ADARB2: variants seen among roughly 807,000 people sequenced by gnomAD.
ADARB2 encodes the protein adenosine deaminase RNA specific B2 (inactive), also known as inactive double-stranded RNA-specific editase B2.
ADARB2 carries 25 observed loss-of-function variants against 62.2 expected under a neutral mutation model. The observed-to-expected ratio is 0.40, with a 90% CI of 0.29 to 0.56. The LOEUF (loss-of-function observed/expected upper bound fraction) is 0.56, where lower values mean the gene tolerates loss of function less well. Among genes scored for constraint, ADARB2 ranks in the 20% least tolerant of loss-of-function variants. The pLI is 0.43. For synonymous variants in ADARB2, 572 were observed against 500.8 expected (o/e 1.14, Z -1.90); for missense variants, 1,071 against 1,077.4 (o/e 0.99, Z 0.08).
chr10:1,268,269 A>G (rs2131797221), intron 4 of ADARB2, among the ~76,000 whole-genome samples: 1 of 152,280 alleles, frequency 6.6e-6, no homozygotes, highest in South Asian at 2.1e-4. Flanking sequence ...AGTGAAGGGG[A>G]GTGAGGGGTG....
chr10:1,586,589 T>G (rs1192066756), intron 1 of ADARB2, among the ~76,000 whole-genome samples: 1 of 152,236 alleles, frequency 6.6e-6, no homozygotes, highest in Non-Finnish European at 1.5e-5. Flanking sequence ...CTGCTCACCT[T>G]ACTCAATCAG....
intron 1 of ADARB2, among the ~76,000 whole-genome samples, chr10:1,684,467 A>G (rs1043072210): frequency 6.6e-6 from 1 of 152,234 alleles, no homozygotes; most frequent in African/African-American, 2.4e-5. Flanking sequence ...CTGGAATAAC[A>G]TAATAATAGT....
At chr10:1,506,385 A>G (rs1292230465) in intron 1 of ADARB2, among the ~76,000 whole-genome samples, 1 of 152,222 alleles carries the variant, frequency 6.6e-6, no homozygotes, top group African/African-American at 2.4e-5. Flanking sequence ...TCCCAGGTCT[A>G]GCAGGAAGCC....
chr10:1,368,160 G>A (rs978063854), intron 2 of ADARB2, among the ~76,000 whole-genome samples: 5 of 148,718 alleles, frequency 3.4e-5, no homozygotes, highest in Middle Eastern at 3.6e-3. Flanking sequence ...GGGGACACTC[G>A]GGCTCTGCTC....
chr10:1,582,799 T>C (rs1191179877), intron 1 of ADARB2, among the ~76,000 whole-genome samples: 10 of 152,174 alleles, frequency 6.6e-5, no homozygotes, highest in Admixed American at 6.5e-4. Flanking sequence ...GGAAGATCAA[T>C]GTCAGCCAGG....
intron 3 of ADARB2, among the ~76,000 whole-genome samples, chr10:1,277,259 A>T (rs1831326317): frequency 6.6e-6 from 1 of 152,236 alleles, no homozygotes; most frequent in African/African-American, 2.4e-5. Flanking sequence ...CTAAGATCAG[A>T]GCAGAACTGA....
rs191243435 is a variant in ADARB2 at position 1,687,896 on chromosome 10, T to C, written c.100+49155A>G. ...GGAAAATATTAAAGTTGCCAGTGCG[T>C]ATACAGTGACAGTTCTAAACGGAGC... On this transcript the variant is annotated intron_variant, in intron 1 of 9. Transcript: ENST00000381312. Among the ~76,000 whole-genome samples the C allele has an allele frequency of 2.0e-5, 3 of 152,312 alleles. No homozygotes were observed. The East Asian group carries it at 5.8e-4, about 29-fold the overall frequency.
intron 1 of ADARB2, among the ~76,000 whole-genome samples, chr10:1,671,309 G>T: frequency 6.6e-6 from 1 of 152,190 alleles, no homozygotes; most frequent in Non-Finnish European, 1.5e-5. Context: ...TCCCAGCAGA[G>T]CACCTCACCA....
intron 1 of ADARB2, among the ~76,000 whole-genome samples, chr10:1,710,783 G>A (rs1189265645): frequency 5.9e-5 from 9 of 152,268 alleles, no homozygotes; most frequent in East Asian, 1.9e-4. Context: ...CTTCAGCTTC[G>A]TCTTTACTGG....
At chr10:1,682,554 G>A (rs980192867) in intron 1 of ADARB2, among the ~76,000 whole-genome samples, 1 of 152,178 alleles carries the variant, frequency 6.6e-6, no homozygotes, top group Non-Finnish European at 1.5e-5. Context: ...ATTCTTTTCT[G>A]TGCAACCTGG....
rs571245040 is a variant in ADARB2, at chr10:1,234,510, G to A, written c.1362-665C>T. On this transcript the variant is annotated intron_variant, in intron 5 of 9. Coordinates refer to ENST00000381312, the MANE Select transcript of ADARB2 (RefSeq NM_018702.4). ...TGCTGGAGTGCAGTAGCGTGATCAC[G>A]GCTCACTGTAGCCTCAGCTTCCTGG... Among the ~76,000 whole-genome samples, 300 of 151,664 alleles carry A rather than the reference G, an allele frequency of 2.0e-3. 2 individuals carry two copies. The highest frequency in any genetic ancestry group is 6.2e-3 in the African/African-American group (256 of 41,330).
At chr10:1,277,992 CAG>C (rs1831335424) in intron 3 of ADARB2, among the ~76,000 whole-genome samples, 1 of 151,774 alleles carries the variant, frequency 6.6e-6, no homozygotes, top group South Asian at 2.1e-4. Context: ...CTTTTTGAGA[CAG>C]AGTCTAGTTC....
At chr10:1,421,246 C>G (rs1308729734) in intron 1 of ADARB2, among the ~76,000 whole-genome samples, 1 of 151,788 alleles carries the variant, frequency 6.6e-6, no homozygotes, top group African/African-American at 2.4e-5. Context: ...CCGTCGGTTC[C>G]ATAGTGTTTG....
intron 1 of ADARB2, among the ~76,000 whole-genome samples, chr10:1,384,369 C>T (rs1832508686): frequency 6.6e-6 from 1 of 152,178 alleles, no homozygotes; most frequent in South Asian, 2.1e-4. Context: ...TGCATTATAG[C>T]CTCCTCCAAA....
chr10:1,675,837 C>T (rs541003702), intron 1 of ADARB2, among the ~76,000 whole-genome samples: 3 of 152,052 alleles, frequency 2.0e-5, no homozygotes, highest in South Asian at 2.1e-4. Context: ...GAAGGGAAGC[C>T]GTGTCTCTGA....
rs556174837 is a variant in ADARB2, at chr10:1,360,839, T to C, written c.1077+2189A>G. Among the ~76,000 whole-genome samples the C allele has an allele frequency of 3.9e-5, 6 of 152,372 alleles. No individual in the cohort carries two copies. The East Asian group carries it at 1.2e-3, about 29-fold the overall frequency. ...TGATGTGCTGCATTCTGGGGTCAAA[T>C]GACTTTTACAAAGTAGTAGTGCTGC... On this transcript the variant is annotated intron_variant, in intron 3 of 9. Coordinates refer to ENST00000381312, the MANE Select transcript of ADARB2 (RefSeq NM_018702.4).
intron 1 of ADARB2, among the ~76,000 whole-genome samples, chr10:1,659,388 G>C (rs1038442412): frequency 1.3e-5 from 2 of 152,108 alleles, no homozygotes; most frequent in African/African-American, 4.8e-5. Context: ...CCAGGCACAG[G>C]GACAGAAAAT....
At chr10:1,723,199 T>A (rs965599289) in intron 1 of ADARB2, among the ~76,000 whole-genome samples, 1 of 152,222 alleles carries the variant, frequency 6.6e-6, no homozygotes, top group Non-Finnish European at 1.5e-5. Flanking sequence ...TTTCTGAGAC[T>A]TCTGTTTTAA....
At position 1,622,966 on chromosome 10, in the gene ADARB2, T is replaced by C. The variant is rs958361518; in HGVS notation, c.100+114085A>G. On this transcript the variant is annotated intron_variant, in intron 1 of 9. Transcript: ENST00000381312. ...AGGGGGAGAAACAACAGGAACTCTA[T>C]CCAAACCTTAGAATAGCATTCCGTA... Among the ~76,000 whole-genome samples, 4 of 152,126 alleles carry C rather than the reference T, an allele frequency of 2.6e-5. No homozygotes were observed. In the South Asian group the frequency reaches 8.3e-4, roughly 32 times the overall value.
Sources: gnomAD v4.1 joint callset for allele counts (sites outside exome capture counted in the v4.1 genomes callset) on GRCh38, gnomAD v4.1.1 for gene constraint, MANE v1.5 for transcripts, NCBI Gene and HGNC (gene_info 2026-07-23, HGNC 2026-07-21) for gene names.